The following LEPROTL1 variants were observed in gnomAD, a reference collection of about 807,000 sequenced individuals.
The protein encoded by LEPROTL1 is leptin receptor overlapping transcript-like 1.
In LEPROTL1, 6 loss-of-function variants were observed where a neutral mutation model predicts 15.4. The observed-to-expected ratio is 0.39, with a 90% CI of 0.21 to 0.77. The LOEUF (loss-of-function observed/expected upper bound fraction) is 0.77, where lower values mean the gene tolerates loss of function less well. Ranked by LOEUF, LEPROTL1 falls within the 30% of genes least tolerant of loss-of-function variation. The probability of loss-of-function intolerance (pLI) is 0.41; values close to 1 mark genes in which losing one functional copy is unlikely to be tolerated. For synonymous variants in LEPROTL1, 56 were observed against 52.6 expected (o/e 1.06, Z -0.28); for missense variants, 128 against 158.1 (o/e 0.81, Z 1.02).
chr8:30,096,666 A>G (rs965298668), intron 1 of LEPROTL1, among the ~76,000 whole-genome samples: 1 of 152,178 alleles, frequency 6.6e-6, no homozygotes, highest in Non-Finnish European at 1.5e-5. Flanking sequence ...GGTTTTTAGG[A>G]TGTTGCCCGT....
intron 3 of LEPROTL1, among the ~76,000 whole-genome samples, chr8:30,125,240 G>A (rs551093569): frequency 1.3e-5 from 2 of 152,266 alleles, no homozygotes; most frequent in Admixed American, 6.5e-5. Flanking sequence ...CCCTGGAAAC[G>A]AGCCAGAACA....
At chr8:30,116,483 T>C (rs1311986692) in intron 3 of LEPROTL1, among the ~76,000 whole-genome samples, 1 of 152,150 alleles carries the variant, frequency 6.6e-6, no homozygotes, top group African/African-American at 2.4e-5. Flanking sequence ...CAATTCACAA[T>C]AGAGCTTGTG....
At chr8:30,109,586 G>C (rs1233870983), downstream of LEPROTL1, among the ~76,000 whole-genome samples, 1 of 152,084 alleles carries the variant, frequency 6.6e-6, no homozygotes, top group African/African-American at 2.4e-5. Context: ...CTGCCGACCT[G>C]TATTTTTCTG....
At chr8:30,130,653 G>A (rs963621702) in intron 3 of LEPROTL1, among the ~76,000 whole-genome samples, 8 of 152,024 alleles carry the variant, frequency 5.3e-5, no homozygotes, top group African/African-American at 1.9e-4. Flanking sequence ...ACATGTTTAT[G>A]AGTCAGCTGT....
chr8:30,108,693 G>A (rs1802611179), downstream of LEPROTL1, among the ~76,000 whole-genome samples: 1 of 150,780 alleles, frequency 6.6e-6, no homozygotes. Flanking sequence ...GGAGTGCAGT[G>A]GTACGATCTT....
intron 3 of LEPROTL1, among the ~76,000 whole-genome samples, chr8:30,127,844 GA>G (rs2117523060): frequency 6.6e-6 from 1 of 152,118 alleles, no homozygotes; most frequent in Non-Finnish European, 1.5e-5. Context: ...GAACATTAAT[GA>G]GAGGATATTC....
At chr8:30,127,200 C>G (rs1166086576) in intron 3 of LEPROTL1, among the ~76,000 whole-genome samples, 1 of 152,172 alleles carries the variant, frequency 6.6e-6, no homozygotes, top group Non-Finnish European at 1.5e-5. Flanking sequence ...TAAACATTTT[C>G]TTATTAACCT....
At chr8:30,104,727 T>C in intron 3 of LEPROTL1, 1 of 323,814 alleles carries the variant, frequency 3.1e-6, no homozygotes. Context: ...TTTTTTTTTT[T>C]TTTGAGATGG....
At chr8:30,095,875 C>T in intron 1 of LEPROTL1, 1 of 701,374 alleles carries the variant, frequency 1.4e-6, no homozygotes, top group East Asian at 2.7e-5. Flanking sequence ...CAGGAGTTTG[C>T]ATCCGAGAGA....
intron 1 of LEPROTL1, among the ~76,000 whole-genome samples, chr8:30,100,933 T>A (rs1169808264): frequency 6.6e-6 from 1 of 152,194 alleles, no homozygotes; most frequent in Non-Finnish European, 1.5e-5. Flanking sequence ...TTGCTTATAA[T>A]AACATGTTAA....
At chr8:30,128,751 C>CAA (rs60440341) in intron 3 of LEPROTL1, among the ~76,000 whole-genome samples, 40 of 115,514 alleles carry the variant, frequency 3.5e-4, no homozygotes, top group African/African-American at 1.2e-3. Context: ...GGCCCTGTTT[C>CAA]AAAAAAAAAA....
At chr8:30,095,683 C>T in intron 1 of LEPROTL1, 155 bp downstream of exon 1, 1 of 759,070 alleles carries the variant, frequency 1.3e-6, no homozygotes, top group Non-Finnish European at 2.1e-6. Context: ...CTGCGCTTGG[C>T]CCGGAGGTGG....
intron 3 of LEPROTL1, among the ~76,000 whole-genome samples, chr8:30,117,114 C>T (rs1802753742): frequency 6.6e-6 from 1 of 152,224 alleles, no homozygotes; most frequent in Middle Eastern, 3.4e-3. Context: ...GACCTACTAA[C>T]TCCTTGTATT....
downstream of LEPROTL1, among the ~76,000 whole-genome samples, chr8:30,112,556 G>A (rs969048591): frequency 2.6e-5 from 4 of 151,250 alleles, no homozygotes; most frequent in Admixed American, 2.0e-4. Context: ...CACTGCACCC[G>A]GCCTTTGTAA....
Position 30,108,004 on chromosome 8 carries a change from A to T in LEPROTL1, c.*2142A>T. The T allele has an allele frequency of 4.2e-6, 4 of 950,580 alleles. No individual in the cohort carries two copies. The highest frequency in any genetic ancestry group is 5.0e-6 in the Non-Finnish European group (4 of 798,182). 58.9% of individuals were successfully genotyped at this position (950,580 alleles called of 1,614,324 possible). A position where few individuals can be genotyped will look rare whatever the true frequency, so the allele number is the denominator to read the frequency against. ...TCCATAGAATATGCACTGATACAATATTACCATTCTTCTATGGAAAGAAAA... is the reference window on the plus strand; with the variant it reads ...TCCATAGAATATGCACTGATACAATTTTACCATTCTTCTATGGAAAGAAAA... On this transcript the variant is annotated 3_prime_UTR_variant, in exon 4 of 4. Transcript: ENST00000321250.
downstream of LEPROTL1, among the ~76,000 whole-genome samples, chr8:30,113,061 C>T (rs1048149280): frequency 7.0e-6 from 1 of 143,448 alleles, no homozygotes; most frequent in Non-Finnish European, 1.5e-5. Context: ...CACTTGAGGT[C>T]AGGAGTTTGA....
At chr8:30,117,693 CT>C in intron 3 of LEPROTL1, 1 of 1,451,800 alleles carries the variant, frequency 6.9e-7, no homozygotes, top group Non-Finnish European at 9.6e-7. Flanking sequence ...GGAGCACGGC[CT>C]AATAAGCACC....
At chr8:30,124,820 T>C (rs955234825) in intron 3 of LEPROTL1, among the ~76,000 whole-genome samples, 5 of 152,216 alleles carry the variant, frequency 3.3e-5, no homozygotes, top group Admixed American at 3.3e-4. Flanking sequence ...CATGTTCCCT[T>C]GAATTCAGGT....
intron 3 of LEPROTL1, among the ~76,000 whole-genome samples, chr8:30,121,062 T>C (rs1426003195): frequency 1.3e-5 from 2 of 152,188 alleles, no homozygotes; most frequent in Non-Finnish European, 2.9e-5. Flanking sequence ...TGGAATCATA[T>C]AGCGTTTGTT....
Sources: allele counts gnomAD v4.1 joint callset (sites outside exome capture counted in the v4.1 genomes callset), GRCh38; gene constraint gnomAD v4.1.1; transcripts MANE v1.5; gene names NCBI Gene and HGNC (gene_info 2026-07-23, HGNC 2026-07-21).